The following CC2D2A variants were observed in gnomAD, a reference collection of about 807,000 sequenced individuals.
CC2D2A encodes coiled-coil and C2 domain-containing protein 2A.
Under a neutral mutation model 212.9 loss-of-function variants are expected in CC2D2A, and 155 were observed. The ratio of observed to expected loss-of-function variants is 0.73; its 90% CI spans 0.64 to 0.83. CC2D2A has a LOEUF of 0.83. Among genes scored for constraint, CC2D2A ranks in the 40% least tolerant of loss-of-function variants. The pLI, the probability that CC2D2A is intolerant of heterozygous loss-of-function variation, is 0.00. For missense variants in CC2D2A, 1,856 were observed against 1,956.2 expected (o/e 0.95, Z 0.97); for synonymous variants, 667 against 686.5 (o/e 0.97, Z 0.44).
intron 4 of CC2D2A, among the ~76,000 whole-genome samples, chr4:15,487,466 C>T (rs1279501457): frequency 6.6e-6 from 1 of 152,052 alleles, no homozygotes; most frequent in East Asian, 1.9e-4. Flanking sequence ...GCTACTCCTG[C>T]TCTTTTTACA....
chr4:15,500,853 C>G (rs1331952553), intron 4 of CC2D2A, among the ~76,000 whole-genome samples: 1 of 152,142 alleles, frequency 6.6e-6, no homozygotes, highest in Non-Finnish European at 1.5e-5. Flanking sequence ...GGATCCTTCT[C>G]TCCTCAGGAA....
intron 16 of CC2D2A, 61 bp downstream of exon 16, chr4:15,538,198 C>T (rs1368363103): frequency 1.4e-6 from 2 of 1,458,248 alleles, no homozygotes; most frequent in Non-Finnish European, 1.8e-6. Flanking sequence ...CACGTGGGCA[C>T]ATGCACACAC....
intron 33 of CC2D2A, among the ~76,000 whole-genome samples, chr4:15,593,204 C>G (rs1012928985): frequency 6.6e-6 from 1 of 152,182 alleles, no homozygotes; most frequent in Non-Finnish European, 1.5e-5. Flanking sequence ...CACCTTGGAT[C>G]TCAAAGCCCT....
intron 6 of CC2D2A, among the ~76,000 whole-genome samples, chr4:15,508,610 C>T (rs1716390868): frequency 6.6e-6 from 1 of 152,164 alleles, no homozygotes. Flanking sequence ...GTTTCAACTG[C>T]CAAGCTCTAC....
intron 4 of CC2D2A, among the ~76,000 whole-genome samples, chr4:15,493,142 T>G (rs73235015): frequency 0.071 from 10,854 of 152,216 alleles, 747 homozygotes; most frequent in East Asian, 0.27. Flanking sequence ...GTACCCTACC[T>G]GTACCTGAAA....
chr4:15,598,220 GC>G (rs1292102303), intron 35 of CC2D2A, among the ~76,000 whole-genome samples: 1 of 152,092 alleles, frequency 6.6e-6, no homozygotes, highest in Non-Finnish European at 1.5e-5. Flanking sequence ...ATATTAAAAT[GC>G]CTGACAATTC....
rs1720121299 is a variant in CC2D2A, at chr4:15,570,722, G to A, written c.3594+226G>A. ...ATACAAAAAATTAGCCGGGCGTGGT[G>A]GTGCGCACCTGTAATCCCAGCTACT... On this transcript the variant is annotated intron_variant, in intron 28 of 36. Transcript: ENST00000424120. Among the ~76,000 whole-genome samples the A allele has an allele frequency of 2.6e-5, 4 of 152,046 alleles. No individual in the cohort carries two copies. The South Asian group carries it at 8.3e-4, about 32-fold the overall frequency.
rs1299077862 is a variant in CC2D2A, at chr4:15,492,721, T to A, written c.248-9708T>A. On this transcript the variant is annotated intron_variant, in intron 4 of 36. Coordinates refer to ENST00000424120, the MANE Select transcript of CC2D2A (RefSeq NM_001378615.1). ...CTCACTGGGTCTGGTGGTCCAGGGG[T>A]CTTACTCCTTGGAGGCCATGTGGGC... The A allele has an allele frequency of 1.0e-5, 8 of 798,812 alleles. No individual in the cohort carries two copies. In the South Asian group the frequency reaches 1.1e-4, roughly 11 times the overall value. 49.5% of individuals were successfully genotyped at this position (798,812 alleles called of 1,614,324 possible).
At chr4:15,486,828 T>C (rs980742732) in intron 4 of CC2D2A, among the ~76,000 whole-genome samples, 1 of 152,032 alleles carries the variant, frequency 6.6e-6, no homozygotes, top group Non-Finnish European at 1.5e-5. Context: ...CTATACCCTA[T>C]AGGTTTTCAT....
At chr4:15,537,401 A>C (rs1718191950) in intron 15 of CC2D2A, among the ~76,000 whole-genome samples, 1 of 152,204 alleles carries the variant, frequency 6.6e-6, no homozygotes, top group Non-Finnish European at 1.5e-5. Context: ...TCTTACATGC[A>C]TTATTCCATT....
At chr4:15,508,083 C>T (rs1191343660) in intron 6 of CC2D2A, among the ~76,000 whole-genome samples, 2 of 152,160 alleles carry the variant, frequency 1.3e-5, no homozygotes, top group African/African-American at 4.8e-5. Flanking sequence ...ATATTTTGGG[C>T]CATCTGTTTC....
chr4:15,480,879 C>G, intron 4 of CC2D2A, 52 bp downstream of exon 4: 2 of 1,586,548 alleles, frequency 1.3e-6, no homozygotes, highest in Non-Finnish European at 1.7e-6. Context: ...CTACTGTGAG[C>G]TCAGCACAGA....
At position 15,475,912 on chromosome 4, in the gene CC2D2A, C is replaced by T; in HGVS notation, c.-18-3C>T. 4 of 1,577,172 alleles carry T rather than the reference C, an allele frequency of 2.5e-6. No homozygotes were observed. Among genetic ancestry groups the T allele is most frequent in the Non-Finnish European group, 3.4e-6 (4 of 1,160,030 alleles). On this transcript the variant is annotated splice_polypyrimidine_tract_variant and splice_region_variant and intron_variant, in intron 1 of 36. Coordinates refer to ENST00000424120, the MANE Select transcript of CC2D2A (RefSeq NM_001378615.1). ...GCCTGACTTCTTCATTGTTCTTTGT[C>T]AGGGACCCATCCCAGCCAAAATGAA... is the stretch of plus-strand genomic sequence containing the variant.
intron 2 of CC2D2A, among the ~76,000 whole-genome samples, chr4:15,476,336 G>A (rs1714209672): frequency 1.3e-5 from 2 of 152,214 alleles, no homozygotes; most frequent in African/African-American, 4.8e-5. Context: ...TGCTGTGATT[G>A]GCTGAGACTC....
intron 32 of CC2D2A, among the ~76,000 whole-genome samples, chr4:15,588,821 C>T (rs1294725749): frequency 6.6e-6 from 1 of 151,964 alleles, no homozygotes; most frequent in Admixed American, 6.6e-5. Flanking sequence ...AATTTCTGCC[C>T]CGCCTTCCCC....
intron 11 of CC2D2A, chr4:15,519,114 A>T (rs1014708878): frequency 2.8e-5 from 5 of 175,592 alleles, no homozygotes; most frequent in Admixed American, 1.2e-4. Flanking sequence ...TATAAAACTG[A>T]ATGCCTTTAA....
chr4:15,479,200 C>A (rs1036513840), intron 3 of CC2D2A: 1 of 1,519,730 alleles, frequency 6.6e-7, no homozygotes, highest in Non-Finnish European at 8.8e-7. Flanking sequence ...CAACTCCAAG[C>A]CCAAATTCTG....
At chr4:15,553,463 T>A (rs1719111165) in intron 19 of CC2D2A, among the ~76,000 whole-genome samples, 158 bp downstream of exon 19, 1 of 152,172 alleles carries the variant, frequency 6.6e-6, no homozygotes, top group Non-Finnish European at 1.5e-5. Flanking sequence ...CAAAAAATGT[T>A]TTATAATAAC....
intron 33 of CC2D2A, among the ~76,000 whole-genome samples, chr4:15,592,462 A>G (rs754487083): frequency 6.6e-6 from 1 of 152,222 alleles, no homozygotes; most frequent in Non-Finnish European, 1.5e-5. Flanking sequence ...TAATGAATAA[A>G]TAAATCCAAT....
Sources: allele counts gnomAD v4.1 joint callset (sites outside exome capture counted in the v4.1 genomes callset), GRCh38; gene constraint gnomAD v4.1.1; transcripts MANE v1.5; gene names NCBI Gene and HGNC (gene_info 2026-07-23, HGNC 2026-07-21).